The following CORO2A variants were observed in gnomAD, a reference collection of about 807,000 sequenced individuals.
CORO2A encodes the protein coronin-2A.
Under a neutral mutation model 62.4 loss-of-function variants are expected in CORO2A, and 47 were observed. The ratio of observed to expected loss-of-function variants is 0.75; its 90% CI spans 0.60 to 0.96. CORO2A has a LOEUF of 0.96. Among genes scored for constraint, CORO2A ranks in the 40% least tolerant of loss-of-function variants. The pLI is 0.00. For missense variants in CORO2A, 610 were observed against 684.1 expected (o/e 0.89, Z 1.21); for synonymous variants, 273 against 268.9 (o/e 1.02, Z -0.15).
intron 1 of CORO2A, among the ~76,000 whole-genome samples, chr9:98,189,195 A>T (rs1314215595): frequency 6.6e-6 from 1 of 152,190 alleles, no homozygotes; most frequent in Admixed American, 6.5e-5. Flanking sequence ...TAACCTAGTA[A>T]GTTTCCCATA....
intron 1 of CORO2A, among the ~76,000 whole-genome samples, chr9:98,174,269 C>T (rs1400539907): frequency 6.6e-6 from 1 of 152,190 alleles, no homozygotes; most frequent in Non-Finnish European, 1.5e-5. Flanking sequence ...GTTTCCTAAG[C>T]TGTAAGCTGG....
intron 11 of CORO2A, among the ~76,000 whole-genome samples, chr9:98,125,252 T>C (rs948176139): frequency 1.3e-5 from 2 of 152,156 alleles, no homozygotes; most frequent in East Asian, 1.9e-4. Flanking sequence ...TTCCATTCCT[T>C]CCTCTGGAAA....
Position 98,142,330 on chromosome 9 carries a change from C to G in CORO2A, c.202-4642G>C, listed in dbSNP as rs182261443. Among the ~76,000 whole-genome samples the G allele has an allele frequency of 2.4e-3, 360 of 152,356 alleles. 5 individuals carry two copies. The highest frequency in any genetic ancestry group is 0.02 in the South Asian group (99 of 4,830). On this transcript the variant is annotated intron_variant, in intron 2 of 11. Coordinates refer to ENST00000375077, the MANE Select transcript of CORO2A (RefSeq NM_052820.4). ...GTGAGGGGCAGAGCTGGGCTTGAGC[C>G]CAGGCCTCTGGTTCCCCAAGTGTGA...
intron 7 of CORO2A, among the ~76,000 whole-genome samples, chr9:98,130,593 AG>A (rs1216807689): frequency 6.6e-6 from 1 of 152,198 alleles, no homozygotes; most frequent in Non-Finnish European, 1.5e-5. Context: ...ACTTGGATGG[AG>A]GGGGAGAGAT....
chr9:98,166,695 G>A lies in CORO2A; in HGVS notation c.1-9035C>T, dbSNP rs1029883064. Among the ~76,000 whole-genome samples the A allele has an allele frequency of 4.6e-5, 7 of 152,166 alleles. No individual in the cohort carries two copies. The South Asian group carries it at 1.5e-3, about 32-fold the overall frequency. ...TACACCCTTAAAGAAATGAAAGCAG[G>A]GTCTAGAAGAGATATTTGCACACTC... On this transcript the variant is annotated intron_variant, in intron 1 of 11. Coordinates refer to ENST00000375077, the MANE Select transcript of CORO2A (RefSeq NM_052820.4).
At chr9:98,135,828 C>T (rs1030130043) in intron 3 of CORO2A, among the ~76,000 whole-genome samples, 1 of 152,166 alleles carries the variant, frequency 6.6e-6, no homozygotes, top group Non-Finnish European at 1.5e-5. Flanking sequence ...GGAAGCCAAC[C>T]CCACGAGAGT....
intron 1 of CORO2A, among the ~76,000 whole-genome samples, chr9:98,189,939 C>T (rs933220801): frequency 4.0e-5 from 6 of 151,712 alleles, no homozygotes; most frequent in African/African-American, 1.5e-4. Context: ...GGCTGGAGTG[C>T]AGTGGCACAA....
chr9:98,140,922 C>G (rs1362871609), intron 2 of CORO2A, among the ~76,000 whole-genome samples: 1 of 152,118 alleles, frequency 6.6e-6, no homozygotes, highest in Non-Finnish European at 1.5e-5. Context: ...CAAATCTAAA[C>G]AAGAACGGTA....
chr9:98,185,661 G>T (rs1223847415), intron 1 of CORO2A, among the ~76,000 whole-genome samples: 1 of 152,232 alleles, frequency 6.6e-6, no homozygotes, highest in Non-Finnish European at 1.5e-5. Context: ...CAACACCGTG[G>T]TGCAGCCTTA....
intron 1 of CORO2A, among the ~76,000 whole-genome samples, chr9:98,160,397 A>G (rs1408497770): frequency 2.0e-5 from 3 of 152,242 alleles, no homozygotes; most frequent in Non-Finnish European, 4.4e-5. Flanking sequence ...GGTAGACCTC[A>G]GATTTGGCTC....
rs921853439 is a variant in CORO2A, at chr9:98,121,947, T to G, written c.*2827A>C. On this transcript the variant is annotated 3_prime_UTR_variant, in exon 12 of 12. Coordinates refer to ENST00000375077, the MANE Select transcript of CORO2A (RefSeq NM_052820.4). ...TCTTGGCTAGTGCATCAGACGGGAG[T>G]GAGCCCCAGTGACTGAGTAAATGGA... 1 of 151,700 alleles carries G rather than the reference T, an allele frequency of 6.6e-6. No homozygotes were observed. The highest frequency in any genetic ancestry group is 2.4e-5 in the African/African-American group (1 of 41,234). 9.4% of individuals were successfully genotyped at this position (151,700 alleles called of 1,614,324 possible).
intron 2 of CORO2A, among the ~76,000 whole-genome samples, chr9:98,143,295 A>G (rs1037284863): frequency 6.6e-6 from 1 of 152,236 alleles, no homozygotes; most frequent in Non-Finnish European, 1.5e-5. Flanking sequence ...CCATTGCCAG[A>G]AAGGGAGAGG....
At chr9:98,165,977 C>T (rs1457029941) in intron 1 of CORO2A, among the ~76,000 whole-genome samples, 2 of 152,186 alleles carry the variant, frequency 1.3e-5, no homozygotes, top group African/African-American at 4.8e-5. Context: ...AACCCACTGC[C>T]CAATCTTAGC....
intron 1 of CORO2A, among the ~76,000 whole-genome samples, chr9:98,183,926 A>G (rs1214329819): frequency 2.0e-5 from 3 of 152,180 alleles, no homozygotes; most frequent in African/African-American, 7.2e-5. Context: ...GTGCCACTAC[A>G]CTCCAGCCTG....
intron 2 of CORO2A, among the ~76,000 whole-genome samples, chr9:98,146,367 G>A (rs1827644122): frequency 6.6e-6 from 1 of 152,094 alleles, no homozygotes; most frequent in East Asian, 1.9e-4. Flanking sequence ...CTCACCTCCA[G>A]CCTCCCTCTA....
At chr9:98,183,822 G>A (rs1254560465) in intron 1 of CORO2A, among the ~76,000 whole-genome samples, 1 of 152,178 alleles carries the variant, frequency 6.6e-6, no homozygotes, top group African/African-American at 2.4e-5. Context: ...TTAGCTGGGT[G>A]TGGTAGTGCA....
At chr9:98,143,378 C>CT (rs1476713016) in intron 2 of CORO2A, among the ~76,000 whole-genome samples, 1 of 152,198 alleles carries the variant, frequency 6.6e-6, no homozygotes, top group Non-Finnish European at 1.5e-5. Context: ...TAGTCATGGC[C>CT]TCAAATGAGC....
At chr9:98,153,649 A>AAC (rs55685018) in intron 2 of CORO2A, among the ~76,000 whole-genome samples, 15,745 of 133,780 alleles carry the variant, frequency 0.12, 1,005 homozygotes, top group African/African-American at 0.18. Flanking sequence ...TCTGTTTCCA[A>AAC]ACACACACAC....
intron 1 of CORO2A, among the ~76,000 whole-genome samples, chr9:98,165,954 T>C (rs965349669): frequency 6.6e-6 from 1 of 152,186 alleles, no homozygotes; most frequent in African/African-American, 2.4e-5. Flanking sequence ...AATGGATGGG[T>C]TGGCAATACC....
Sources: gnomAD v4.1 joint callset for allele counts (sites outside exome capture counted in the v4.1 genomes callset) on GRCh38, gnomAD v4.1.1 for gene constraint, MANE v1.5 for transcripts, NCBI Gene and HGNC (gene_info 2026-07-23, HGNC 2026-07-21) for gene names.